Variants in FGF12 observed in about 807,000 individuals in gnomAD.
The protein encoded by FGF12 is fibroblast growth factor 12B.
A neutral mutation model predicts 23.6 loss-of-function variants in FGF12; 14 were observed. The ratio of observed to expected loss-of-function variants is 0.59; its 90% CI spans 0.39 to 0.93. FGF12 has a LOEUF of 0.93. FGF12 is among the 40% of genes least tolerant of loss of function. FGF12 has a pLI of 0.00. For missense variants in FGF12, 175 were observed against 217.8 expected (o/e 0.80, Z 1.24); for synonymous variants, 62 against 77.3 (o/e 0.80, Z 1.04).
chr3:192,603,967 C>T (rs778686651), intron 2 of FGF12, among the ~76,000 whole-genome samples: 11 of 152,102 alleles, frequency 7.2e-5, no homozygotes, highest in Non-Finnish European at 1.6e-4. Flanking sequence ...ATCTCAACCA[C>T]ACAGGACAGA....
chr3:192,579,909 C>T (rs1219331435), intron 2 of FGF12, among the ~76,000 whole-genome samples: 1 of 152,122 alleles, frequency 6.6e-6, no homozygotes, highest in Non-Finnish European at 1.5e-5. Flanking sequence ...CTCAGTATTC[C>T]TTCATTCATT....
At chr3:192,264,082 G>A (rs189962070) in intron 4 of FGF12, among the ~76,000 whole-genome samples, 33 of 152,096 alleles carry the variant, frequency 2.2e-4, no homozygotes, top group Middle Eastern at 3.4e-3. Context: ...AAAATCAAAT[G>A]AATCAATCCT....
chr3:192,264,160 T>C (rs1712931787), intron 4 of FGF12, among the ~76,000 whole-genome samples: 7 of 152,090 alleles, frequency 4.6e-5, no homozygotes, highest in Admixed American at 4.6e-4. Flanking sequence ...AGTATTCCGA[T>C]TTGTTTTCAT....
chr3:192,386,753 C>G (rs1413094512), intron 2 of FGF12, among the ~76,000 whole-genome samples: 1 of 152,016 alleles, frequency 6.6e-6, no homozygotes, highest in Non-Finnish European at 1.5e-5. Flanking sequence ...GTGAAGAAAT[C>G]AAACTATTTC....
intron 2 of FGF12, among the ~76,000 whole-genome samples, chr3:192,485,387 G>A (rs1001120581): frequency 6.6e-5 from 10 of 152,088 alleles, no homozygotes; most frequent in Non-Finnish European, 1.3e-4. Context: ...CCAGACTTTT[G>A]AAAAGTTAAA....
chr3:192,282,622 T>C (rs960170546), intron 4 of FGF12, among the ~76,000 whole-genome samples: 16 of 152,238 alleles, frequency 1.1e-4, no homozygotes, highest in African/African-American at 3.6e-4. Flanking sequence ...AAAAGCTCCA[T>C]AGGCCTTTAT....
At chr3:192,254,741 A>T (rs1712269571) in intron 4 of FGF12, among the ~76,000 whole-genome samples, 1 of 152,086 alleles carries the variant, frequency 6.6e-6, no homozygotes, top group Non-Finnish European at 1.5e-5. Flanking sequence ...CATAACAATG[A>T]TGAGTTAAAA....
chr3:192,531,334 G>A (rs1183065182), intron 2 of FGF12, among the ~76,000 whole-genome samples: 4 of 152,152 alleles, frequency 2.6e-5, no homozygotes, highest in African/African-American at 9.7e-5. Context: ...CCAGCTGTGT[G>A]TTAATGGACA....
At chr3:192,611,765 G>A (rs1714558543) in intron 2 of FGF12, among the ~76,000 whole-genome samples, 2 of 152,026 alleles carry the variant, frequency 1.3e-5, no homozygotes, top group Admixed American at 1.3e-4. Flanking sequence ...AGAGGAGTAC[G>A]AGAAAGAGTA....
chr3:192,655,345 CCTTT>C (rs1212257517), intron 2 of FGF12, among the ~76,000 whole-genome samples: 1 of 152,054 alleles, frequency 6.6e-6, no homozygotes, highest in African/African-American at 2.4e-5. Flanking sequence ...CATTGACAGG[CCTTT>C]CTTTTTTTCT....
At chr3:192,623,883 C>T (rs1269263155) in intron 2 of FGF12, among the ~76,000 whole-genome samples, 1 of 152,160 alleles carries the variant, frequency 6.6e-6, no homozygotes, top group African/African-American at 2.4e-5. Flanking sequence ...GTAATCATGA[C>T]TAGTTGCCAA....
At chr3:192,356,013 G>C (rs981685907) in intron 3 of FGF12, among the ~76,000 whole-genome samples, 1 of 152,212 alleles carries the variant, frequency 6.6e-6, no homozygotes, top group East Asian at 1.9e-4. Context: ...CCTGCTGGCT[G>C]TCAGGGACTG....
At chr3:192,656,040 CAA>C (rs11292484) in intron 2 of FGF12, among the ~76,000 whole-genome samples, 47,888 of 106,226 alleles carry the variant, frequency 0.45, 9,427 homozygotes, top group East Asian at 0.57. Context: ...GAGGTTCAGG[CAA>C]AAAAAAAAAA....
intron 4 of FGF12, among the ~76,000 whole-genome samples, chr3:192,227,669 G>A (rs1173556706): frequency 6.6e-6 from 1 of 150,880 alleles, no homozygotes; most frequent in Non-Finnish European, 1.5e-5. Flanking sequence ...ATATGAAATT[G>A]AAGGAAAAAT....
At chr3:192,686,238 A>T (rs2108713732) in intron 2 of FGF12, among the ~76,000 whole-genome samples, 1 of 152,336 alleles carries the variant, frequency 6.6e-6, no homozygotes, top group South Asian at 2.1e-4. Flanking sequence ...GGAAACCTTG[A>T]CTGGCTTAAA....
chr3:192,390,749 C>G (rs1221562722), intron 2 of FGF12, among the ~76,000 whole-genome samples: 1 of 152,112 alleles, frequency 6.6e-6, no homozygotes, highest in Non-Finnish European at 1.5e-5. Context: ...AGGCGTGTGA[C>G]TGATATGAAG....
intron 2 of FGF12, among the ~76,000 whole-genome samples, chr3:192,720,603 C>T (rs1162296734): frequency 6.6e-6 from 1 of 152,202 alleles, no homozygotes; most frequent in Non-Finnish European, 1.5e-5. Context: ...TAGCCTCAAA[C>T]TCTTGCCATC....
chr3:192,502,155 T>A (rs866466771), intron 2 of FGF12, among the ~76,000 whole-genome samples: 8 of 152,338 alleles, frequency 5.3e-5, no homozygotes, highest in Middle Eastern at 3.4e-3. Context: ...TGAGTCTTTC[T>A]AATCATACAA....
rs79762870 is a variant in FGF12, at chr3:192,476,909, G to A, written c.14-116371C>T. Among the ~76,000 whole-genome samples the A allele has an allele frequency of 7.1e-4, 108 of 152,218 alleles. 1 individual carries two copies. The highest frequency in any genetic ancestry group is 1.4e-3 in the Non-Finnish European group (97 of 68,022). On this transcript the variant is annotated intron_variant, in intron 2 of 5. Coordinates refer to ENST00000445105, the MANE Select transcript of FGF12 (RefSeq NM_004113.6). ...AAGCAAGTATCTGATAAATGCTTTC[G>A]GATGATTAAGTTGATATCAGACTAG...
Sources: allele counts gnomAD v4.1 joint callset (sites outside exome capture counted in the v4.1 genomes callset), GRCh38; gene constraint gnomAD v4.1.1; transcripts MANE v1.5; gene names NCBI Gene and HGNC (gene_info 2026-07-23, HGNC 2026-07-21).